Variants in ADPRHL1 observed in about 807,000 individuals in gnomAD.
The protein encoded by ADPRHL1 is inactive ADP-ribosyltransferase ARH2.
In ADPRHL1, 43 loss-of-function variants were observed where a neutral mutation model predicts 44.1. The observed-to-expected ratio is 0.98, with a 90% CI of 0.76 to 1.26. The LOEUF (loss-of-function observed/expected upper bound fraction) is 1.26, where lower values mean the gene tolerates loss of function less well. Among genes scored for constraint, ADPRHL1 ranks in the 50% most tolerant of loss-of-function variants. The pLI is 0.00. For missense variants in ADPRHL1, 2,022 were observed against 2,496.9 expected, an observed-to-expected ratio of 0.81 and a Z score of 4.05; for synonymous variants, 878 against 1,017.4, an observed-to-expected ratio of 0.86 and a Z score of 2.61.
At chr13:113,442,838 G>A (rs1288514895) in intron 2 of ADPRHL1, among the ~76,000 whole-genome samples, 1 of 152,178 alleles carries the variant, frequency 6.6e-6, no homozygotes. Flanking sequence ...CAGGCTGCCT[G>A]AGGCCGCCCG....
chr13:113,426,509 G>A (rs1015280445), intron 4 of ADPRHL1, among the ~76,000 whole-genome samples: 8 of 152,184 alleles, frequency 5.3e-5, no homozygotes, highest in African/African-American at 1.4e-4. Flanking sequence ...GGGAGGCTAC[G>A]CTCCTGCCAC....
chr13:113,444,634 G>C, intron 1 of ADPRHL1, 45 bp from the exon 2 acceptor site: 4 of 1,592,478 alleles, frequency 2.5e-6, no homozygotes, highest in Non-Finnish European at 3.4e-6. Context: ...GCTGTGGTGT[G>C]AACTGTGGCC....
At chr13:113,428,242 C>CA (rs67263619) in intron 4 of ADPRHL1, among the ~76,000 whole-genome samples, 9,316 of 130,208 alleles carry the variant, frequency 0.072, 719 homozygotes, top group African/African-American at 0.17. Flanking sequence ...GATTCCATCT[C>CA]AAAAAAAAAA....
chr13:113,438,864 C>G (rs1455651477), intron 2 of ADPRHL1, among the ~76,000 whole-genome samples: 6 of 152,082 alleles, frequency 3.9e-5, no homozygotes, highest in Admixed American at 1.3e-4. Context: ...CTTTCTTCTT[C>G]TTAAGTTGGA....
chr13:113,441,996 T>C lies in ADPRHL1; in HGVS notation c.379+2429A>G, dbSNP rs111589354. On this transcript the variant is annotated intron_variant, in intron 2 of 7. Transcript: ENST00000612156. The surrounding 1 kb of genome is among the most constrained non-coding windows in gnomAD (Gnocchi z 6.0). ...CGCGTCTCTATCACGCTGTGTCCTG[T>C]GGCGCGGGTCTCTGTTTGCATCCAG... 0.021 allele frequency among the ~76,000 whole-genome samples: 3,156 copies of C among 152,374 alleles called. 58 individuals are homozygous for C. The highest frequency in any genetic ancestry group is 0.024 in the Non-Finnish European group (1,605 of 68,040).
At chr13:113,436,232 C>T (rs1212787943) in intron 2 of ADPRHL1, among the ~76,000 whole-genome samples, 1 of 151,540 alleles carries the variant, frequency 6.6e-6, no homozygotes, top group African/African-American at 2.4e-5. Context: ...CCCCGGGACC[C>T]GGCACCCAGG....
Position 113,408,199 on chromosome 13 carries a change from G to T in ADPRHL1, c.1083C>A (p.Cys361Ter). 1 of 1,232,010 alleles carries T rather than the reference G, an allele frequency of 8.1e-7. No homozygotes were observed. The highest frequency in any genetic ancestry group is 4.1e-5 in the South Asian group (1 of 24,320). 76.3% of individuals were successfully genotyped at this position (1,232,010 alleles called of 1,614,324 possible). ...GGGCGTCCACAGACATGACGTCACT[G>T]CAGGTCTTGCTGCTCTTCCGGCTGC... Reference protein sequence around the residue: ...TEENRKSSKTCSDVMSVDAQT... With the variant: ...TEENRKSSKT Residue 361 changes from cysteine to a stop codon, truncating the protein, a stop_gained, in exon 8 of 8, where the codon TGC (cysteine) becomes TGA (stop). Transcript: ENST00000612156. LOFTEE classifies it low-confidence loss of function (END_TRUNC).
At chr13:113,424,010 G>A (rs951629723) in intron 6 of ADPRHL1, among the ~76,000 whole-genome samples, 8 of 152,206 alleles carry the variant, frequency 5.3e-5, no homozygotes, top group African/African-American at 1.7e-4. Context: ...ATCCTGTAAT[G>A]TCCTCACATG....
intron 7 of ADPRHL1, among the ~76,000 whole-genome samples, chr13:113,408,943 G>GGAGGT (rs2043830052): frequency 6.6e-6 from 1 of 151,400 alleles, no homozygotes; most frequent in Non-Finnish European, 1.5e-5. Flanking sequence ...AGAGAGGAGG[G>GGAGGT]GAGGTTGCAG....
Position 113,403,445 on chromosome 13 carries a change from C to CTGT in ADPRHL1, c.5836_5837insACA (p.Gln1945_Arg1946insAsn), listed in dbSNP as rs1468230005. 16 of 1,232,022 alleles carry CTGT rather than the reference C, an allele frequency of 1.3e-5. No homozygotes were observed. Among genetic ancestry groups the CTGT allele is most frequent in the Non-Finnish European group, 1.5e-5 (15 of 988,028 alleles). 76.3% of individuals were successfully genotyped at this position (1,232,022 alleles called of 1,614,324 possible). ...TGGTCTGAAGGACAAATCGAAGGCC[C>CTGT]TCTGGTCACGGAAGCTCTGGGCTTT... On this transcript the variant is annotated inframe_insertion, in exon 8 of 8. Transcript: ENST00000612156.
chr13:113,449,077 C>G, intron 1 of ADPRHL1: 2 of 987,666 alleles, frequency 2.0e-6, no homozygotes, highest in Non-Finnish European at 2.4e-6. Context: ...TGGATGCCAC[C>G]TCTCCTATGT....
In ADPRHL1 at chr13:113,441,845, G is replaced by A. The variant is rs761575604; in HGVS notation, c.379+2580C>T. ...CCGTGTCTCTGTCACGTTGTGTCCC[G>A]CCGCGTGGGTCCGTGTCACTATCAC... On this transcript the variant is annotated intron_variant, in intron 2 of 7. Transcript: ENST00000612156. This position sits in a 1 kb window ranked among gnomAD's most constrained non-coding sequence, Gnocchi z 6.0. Among the ~76,000 whole-genome samples the A allele has an allele frequency of 1.2e-4, 18 of 152,196 alleles. No homozygotes were observed. The highest frequency in any genetic ancestry group is 2.1e-4 in the South Asian group (1 of 4,810).
In ADPRHL1 at chr13:113,441,816, G is replaced by A. The variant is rs562579383; in HGVS notation, c.379+2609C>T. 1.5e-4 allele frequency among the ~76,000 whole-genome samples: 22 copies of A among 151,248 alleles called. No individual in the cohort carries two copies. Among genetic ancestry groups the A allele is most frequent in the East Asian group, 1.4e-3 (7 of 5,126 alleles). ...TCTATCACGCTTTACTCCACCACAC[G>A]GGTCCGTGTCTCTGTCACGTTGTGT... On this transcript the variant is annotated intron_variant, in intron 2 of 7. Coordinates refer to ENST00000612156, the MANE Select transcript of ADPRHL1 (RefSeq NM_001394807.1). The surrounding 1 kb of genome is among the most constrained non-coding windows in gnomAD (Gnocchi z 6.0).
chr13:113,417,815 A>G (rs2043894617), intron 7 of ADPRHL1, among the ~76,000 whole-genome samples: 1 of 152,268 alleles, frequency 6.6e-6, no homozygotes, highest in Non-Finnish European at 1.5e-5. Flanking sequence ...GATTTTTACC[A>G]GGGGAGCTGC....
chr13:113,444,575 C>T lies in ADPRHL1; in HGVS notation c.229G>A (p.Asp77Asn). The change falls in exon 2 of 8, where the codon GAT (aspartate) becomes AAT (asparagine). Residue 77 changes from aspartate (D) to asparagine (N), a missense_variant. By Grantham distance (23) the Asp-to-Asn change is conservative. This residue lies in a region of ADPRHL1 where 437 missense variants were observed against 430.7 expected (regional missense o/e 1.01). Transcript: ENST00000612156. Reference protein sequence around the residue: ...EALTTDYWCLDDLYREMVRCY... With the variant: ...EALTTDYWCLNDLYREMVRCY... The stretch of plus-strand genomic sequence containing the variant: ...CTCACCATCTCCCGGTACAGATCAT[C>T]CAGGCACCAGTAGTCTGCGGAAGAA... 6.2e-7 allele frequency: 1 copy of T among 1,614,038 alleles called. No individual in the cohort carries two copies. The highest frequency in any genetic ancestry group is 1.1e-5 in the South Asian group (1 of 91,064).
chr13:113,432,208 C>T (rs1172905003), intron 3 of ADPRHL1, among the ~76,000 whole-genome samples: 1 of 152,132 alleles, frequency 6.6e-6, no homozygotes, highest in Non-Finnish European at 1.5e-5. Context: ...ACTGCAGCCC[C>T]AACATCCTGG....
In ADPRHL1 at chr13:113,403,199, C is replaced by T. The variant is rs1209961831; in HGVS notation, c.*179G>A. 5 of 522,180 alleles carry T rather than the reference C, an allele frequency of 9.6e-6. No homozygotes were observed. The highest frequency in any genetic ancestry group is 2.0e-5 in the African/African-American group (1 of 50,708). The allele number at this position is 522,180 out of a possible 1,614,324, so 32.3% of individuals were successfully genotyped here. ...GTGGCTCTGTGGGGTGACAGGAACC[C>T]GACCCACATGTAGCTCAATCCTCCC... On this transcript the variant is annotated 3_prime_UTR_variant, in exon 8 of 8. Coordinates refer to ENST00000612156, the MANE Select transcript of ADPRHL1 (RefSeq NM_001394807.1).
chr13:113,405,962 C>A lies in ADPRHL1; in HGVS notation c.3320G>T (p.Gly1107Val). 8.1e-7 allele frequency: 1 copy of A among 1,232,078 alleles called. No individual in the cohort carries two copies. The highest frequency in any genetic ancestry group is 1.5e-5 in the African/African-American group (1 of 64,560). The allele number at this position is 1,232,078 out of a possible 1,614,324, so 76.3% of individuals were successfully genotyped here. Residue 1107 changes from glycine (G) to valine (V), a missense_variant, in exon 8 of 8, where the codon GGT (glycine) becomes GTT (valine). Physicochemically the swap from Gly to Val is moderately radical, Grantham distance 109. Coordinates refer to ENST00000612156, the MANE Select transcript of ADPRHL1 (RefSeq NM_001394807.1). ...TGCCATCGCCCCACAGGCTTTCATACCTGGTTTGGGTGGTTCATTTAATGA... is the reference window on the plus strand; with the variant it reads ...TGCCATCGCCCCACAGGCTTTCATAACTGGTTTGGGTGGTTCATTTAATGA... ...LSSLNEPPKP[G>V]MKACGAMAAA...
intron 2 of ADPRHL1, among the ~76,000 whole-genome samples, chr13:113,435,466 C>T (rs1595551218): frequency 8.6e-6 from 1 of 115,856 alleles, no homozygotes; most frequent in East Asian, 3.0e-4. Context: ...CATAGGTGTA[C>T]CCCGGGACCC....
Sources: gnomAD v4.1 joint callset for allele counts (sites outside exome capture counted in the v4.1 genomes callset) on GRCh38, gnomAD v4.1.1 for gene constraint, gnomAD v4.1.1 regional missense constraint, Gnocchi (gnomAD v3.1) non-coding constraint, MANE v1.5 for transcripts, NCBI Gene and HGNC (gene_info 2026-07-23, HGNC 2026-07-21) for gene names.